Variants in TUBGCP4 observed in about 807,000 individuals in gnomAD.
The protein encoded by TUBGCP4 is tubulin gamma complex component 4.
TUBGCP4 carries 54 observed loss-of-function variants against 91.6 expected under a neutral mutation model. The observed-to-expected ratio is 0.59, with a 90% CI of 0.47 to 0.74. The LOEUF (loss-of-function observed/expected upper bound fraction) is 0.74, where lower values mean the gene tolerates loss of function less well. Ranked by LOEUF, TUBGCP4 falls within the 30% of genes least tolerant of loss-of-function variation. TUBGCP4 has a pLI of 0.00. For missense variants in TUBGCP4, 593 were observed against 800.9 expected (o/e 0.74, Z 3.13); for synonymous variants, 297 against 302.8 (o/e 0.98, Z 0.20).
rs201000696 is a variant in TUBGCP4, at chr15:43,403,830, C to G, written c.1848+31C>G. 347 of 1,545,068 alleles carry G rather than the reference C, an allele frequency of 2.2e-4. 2 individuals are homozygous for G. The South Asian group carries it at 3.6e-3, about 16-fold the overall frequency. On this transcript the variant is annotated intron_variant, in intron 16 of 17. Transcript: ENST00000564079. ...TCTGCCTGGAAGTATGCAGCCTTGC[C>G]GAAAGGACAGAGGTGGTTTTGCCAA...
chr15:43,400,243 G>A, intron 14 of TUBGCP4, 22 bp downstream of exon 14: 1 of 1,604,674 alleles, frequency 6.2e-7, no homozygotes, highest in South Asian at 1.1e-5. Flanking sequence ...GAGATGAGTA[G>A]AAGGAAGGGG....
Position 43,408,810 on chromosome 15 carries a change from A to T in TUBGCP4, c.*3596A>T. ...CCCACAGACATTCCAATTTCTAGAA[A>T]GCTTTACTCTCTCACCTAGATTCTC... is the stretch of plus-strand genomic sequence containing the variant. On this transcript the variant is annotated 3_prime_UTR_variant, in exon 18 of 18. Transcript: ENST00000564079. The T allele has an allele frequency of 1.5e-6, 2 of 1,335,530 alleles. No individual in the cohort carries two copies. Among genetic ancestry groups the T allele is most frequent in the Non-Finnish European group, 2.1e-6 (2 of 945,288 alleles). 82.7% of individuals were successfully genotyped at this position (1,335,530 alleles called of 1,614,324 possible). A position where few individuals can be genotyped will look rare whatever the true frequency, so the allele number is the denominator to read the frequency against.
In TUBGCP4 at chr15:43,406,565, C is replaced by T. The variant is rs925190662; in HGVS notation, c.*1351C>T. The T allele has an allele frequency of 5.3e-5, 24 of 455,660 alleles. No individual in the cohort carries two copies. The highest frequency in any genetic ancestry group is 4.2e-4 in the African/African-American group (21 of 50,024). 28.2% of individuals were successfully genotyped at this position (455,660 alleles called of 1,614,324 possible). ...TAGTTGTGATGGATCAAATGGCCCA[C>T]AAAGCCTGAAATATTTACTCTTTGA... On this transcript the variant is annotated 3_prime_UTR_variant, in exon 18 of 18. Coordinates refer to ENST00000564079, the MANE Select transcript of TUBGCP4 (RefSeq NM_014444.5).
intron 6 of TUBGCP4, 114 bp from the exon 7 acceptor site, chr15:43,383,189 A>G (rs1050042314): frequency 1.2e-6 from 1 of 815,980 alleles, no homozygotes; most frequent in African/African-American, 1.7e-5. Flanking sequence ...TAGCACAATT[A>G]TTTTTAACTT....
chr15:43,403,830 C>T lies in TUBGCP4; in HGVS notation c.1848+31C>T, dbSNP rs201000696. 5.2e-5 allele frequency: 81 copies of T among 1,545,066 alleles called. No individual in the cohort carries two copies. In the South Asian group the frequency reaches 5.2e-4, roughly 10 times the overall value. On this transcript the variant is annotated intron_variant, in intron 16 of 17. Transcript: ENST00000564079. ...TCTGCCTGGAAGTATGCAGCCTTGC[C>T]GAAAGGACAGAGGTGGTTTTGCCAA... is the stretch of plus-strand genomic sequence containing the variant.
At chr15:43,399,039 T>A (rs967992637) in intron 13 of TUBGCP4, 3 of 771,028 alleles carry the variant, frequency 3.9e-6, no homozygotes, top group Non-Finnish European at 5.4e-6. Flanking sequence ...ATCTAAAAAT[T>A]ATCTTTATGT....
intron 9 of TUBGCP4, 32 bp downstream of exon 9, chr15:43,386,362 TATATATATATA>T: frequency 1.3e-5 from 1 of 77,368 alleles, no homozygotes; most frequent in African/African-American, 5.2e-5. Flanking sequence ...TATATATATA[TATATATATATA>T]TATATTTTTT....
chr15:43,375,219 T>C (rs1160017491), intron 1 of TUBGCP4, among the ~76,000 whole-genome samples: 1 of 152,206 alleles, frequency 6.6e-6, no homozygotes, highest in Non-Finnish European at 1.5e-5. Context: ...ATTCCACTTA[T>C]ATGAGGTAGC....
intron 3 of TUBGCP4, 151 bp downstream of exon 3, chr15:43,376,776 A>G (rs928385315): frequency 4.3e-6 from 5 of 1,171,138 alleles, no homozygotes; most frequent in African/African-American, 3.1e-5. Flanking sequence ...TGATTGCCCA[A>G]CCTGTGATCA....
At chr15:43,381,580 T>TA (rs889037042) in intron 6 of TUBGCP4, among the ~76,000 whole-genome samples, 2 of 151,446 alleles carry the variant, frequency 1.3e-5, no homozygotes, top group Non-Finnish European at 3.0e-5. Flanking sequence ...GTACCAAAAA[T>TA]AAAAAAATTA....
Position 43,378,034 on chromosome 15 carries a change from C to A in TUBGCP4, c.441+131C>A, listed in dbSNP as rs544860087. 246 of 657,388 alleles carry A rather than the reference C, an allele frequency of 3.7e-4. 1 individual carries two copies. In the South Asian group the frequency reaches 4.3e-3, roughly 11 times the overall value. The allele number at this position is 657,388 out of a possible 1,614,324, so 40.7% of individuals were successfully genotyped here. A position where few individuals can be genotyped will look rare whatever the true frequency, so the allele number is the denominator to read the frequency against. The stretch of plus-strand genomic sequence containing the variant: ...TATTTATTCATTCATTTAACAATAT[C>A]TGCTTGGTTATCATGTTAAGTGTCA... On this transcript the variant is annotated intron_variant, in intron 5 of 17. Coordinates refer to ENST00000564079, the MANE Select transcript of TUBGCP4 (RefSeq NM_014444.5).
At chr15:43,399,359 C>A (rs2044630556) in intron 13 of TUBGCP4, among the ~76,000 whole-genome samples, 1 of 152,128 alleles carries the variant, frequency 6.6e-6, no homozygotes, top group Non-Finnish European at 1.5e-5. Context: ...CATCATAATC[C>A]TTGATTCATA....
chr15:43,401,859 G>C lies in TUBGCP4; in HGVS notation c.1731+9G>C. On this transcript the variant is annotated intron_variant, in intron 15 of 17. Coordinates refer to ENST00000564079, the MANE Select transcript of TUBGCP4 (RefSeq NM_014444.5). ...TTATCCTATTGAAACCTGTAAGTAA[G>C]GCTCATTGGTTTCCTCAGACTGCTT... The C allele has an allele frequency of 5.6e-6, 9 of 1,613,886 alleles. No homozygotes were observed. The highest frequency in any genetic ancestry group is 7.6e-6 in the Non-Finnish European group (9 of 1,179,914).
At chr15:43,384,431 G>A (rs2044327173) in intron 7 of TUBGCP4, among the ~76,000 whole-genome samples, 1 of 152,126 alleles carries the variant, frequency 6.6e-6, no homozygotes, top group African/African-American at 2.4e-5. Context: ...TTCAGTGGAA[G>A]GTATGTCTAA....
intron 1 of TUBGCP4, among the ~76,000 whole-genome samples, chr15:43,372,937 C>G (rs1382718183): frequency 6.6e-6 from 1 of 152,104 alleles, no homozygotes; most frequent in East Asian, 1.9e-4. Flanking sequence ...ATTCATCTAC[C>G]CAGAGCACCT....
At position 43,407,913 on chromosome 15, in the gene TUBGCP4, C is replaced by CAAAG. The variant is rs1247463753; in HGVS notation, c.*2701_*2704dup. 6.3e-7 allele frequency: 1 copy of CAAAG among 1,598,148 alleles called. No homozygotes were observed. Among genetic ancestry groups the CAAAG allele is most frequent in the Non-Finnish European group, 8.5e-7 (1 of 1,175,480 alleles). On this transcript the variant is annotated 3_prime_UTR_variant, in exon 18 of 18. Transcript: ENST00000564079. ...TACAGGTCTAAGGAGATCCCTGGAACAAAGACACTACACACACTCTTTCAG... is the reference window on the plus strand; with the variant it reads ...TACAGGTCTAAGGAGATCCCTGGAACAAAGAAAGACACTACACACACTCTTTCAG...
chr15:43,400,042 A>T lies in TUBGCP4; in HGVS notation c.1419-2A>T. The stretch of plus-strand genomic sequence containing the variant: ...TTGAATATCCTGTTATTTCTGTCCT[A>T]GGTACAATGTTGTTTTTAAGTACTT... On this transcript the variant is annotated splice_acceptor_variant, in intron 13 of 17. Transcript: ENST00000564079. LOFTEE classifies it high-confidence loss of function. The T allele has an allele frequency of 6.2e-6, 10 of 1,606,426 alleles. No individual in the cohort carries two copies. The highest frequency in any genetic ancestry group is 8.5e-6 in the Non-Finnish European group (10 of 1,173,884).
At position 43,406,913 on chromosome 15, in the gene TUBGCP4, T is replaced by C. The variant is rs1195552244; in HGVS notation, c.*1699T>C. The C allele has an allele frequency of 4.0e-6, 1 of 247,516 alleles. No individual in the cohort carries two copies. The highest frequency in any genetic ancestry group is 8.0e-6 in the Non-Finnish European group (1 of 125,060). The allele number at this position is 247,516 out of a possible 1,614,324, so 15.3% of individuals were successfully genotyped here. A position where few individuals can be genotyped will look rare whatever the true frequency, so the allele number is the denominator to read the frequency against. ...GTGATCTCAGCTCAGAGAGAGAGCA[T>C]GAGGTCTTTTTTAACTGTCAGGAAA... On this transcript the variant is annotated 3_prime_UTR_variant, in exon 18 of 18. Transcript: ENST00000564079.
In TUBGCP4 at chr15:43,401,867, G is replaced by C; in HGVS notation, c.1731+17G>C. 1 of 1,613,580 alleles carries C rather than the reference G, an allele frequency of 6.2e-7. No individual in the cohort carries two copies. Among genetic ancestry groups the C allele is most frequent in the South Asian group, 1.1e-5 (1 of 90,960 alleles). On this transcript the variant is annotated intron_variant, in intron 15 of 17. Coordinates refer to ENST00000564079, the MANE Select transcript of TUBGCP4 (RefSeq NM_014444.5). ...TTGAAACCTGTAAGTAAGGCTCATT[G>C]GTTTCCTCAGACTGCTTCTACCACT...
Sources: allele counts gnomAD v4.1 joint callset (sites outside exome capture counted in the v4.1 genomes callset), GRCh38; gene constraint gnomAD v4.1.1; transcripts MANE v1.5; gene names NCBI Gene and HGNC (gene_info 2026-07-23, HGNC 2026-07-21).